ROBO2: variants seen among roughly 807,000 people sequenced by gnomAD.
ROBO2 encodes the protein roundabout homolog 2.
A neutral mutation model predicts 160.8 loss-of-function variants in ROBO2; 53 were observed. The observed-to-expected ratio is 0.33, with a 90% confidence interval of 0.26 to 0.41. The LOEUF (loss-of-function observed/expected upper bound fraction) is 0.41, where lower values mean the gene tolerates loss of function less well. ROBO2 is among the 10% of genes least tolerant of loss of function. The pLI, the probability that ROBO2 is intolerant of heterozygous loss-of-function variation, is 1.00. For missense variants in ROBO2, 1,577 were observed against 1,722.4 expected (o/e 0.92, Z 1.49); for synonymous variants, 664 against 611.7 (o/e 1.09, Z -1.26).
chr3:75,936,518 TATCA>T (rs1947787207), intron 1 of ROBO2, among the ~76,000 whole-genome samples: 1 of 152,182 alleles, frequency 6.6e-6, no homozygotes, highest in Non-Finnish European at 1.5e-5. Context: ...TGAAGGTGTT[TATCA>T]TTCTTATGCA....
chr3:75,978,489 A>C (rs1462169309), intron 2 of ROBO2, among the ~76,000 whole-genome samples: 3 of 151,734 alleles, frequency 2.0e-5, no homozygotes, highest in Admixed American at 6.6e-5. Flanking sequence ...ATGCTTCACA[A>C]TTTTAAAATA....
intron 5 of ROBO2, among the ~76,000 whole-genome samples, chr3:77,504,079 G>A (rs1460875770): frequency 6.6e-6 from 1 of 152,124 alleles, no homozygotes; most frequent in African/African-American, 2.4e-5. Flanking sequence ...TTTGGAGGTG[G>A]GAGGTTAGCC....
At chr3:77,445,794 GTTTTTTT>G (rs199914360) in intron 2 of ROBO2, among the ~76,000 whole-genome samples, 2 of 123,096 alleles carry the variant, frequency 1.6e-5, no homozygotes, top group East Asian at 2.5e-4. Context: ...GTTTTTTTTT[GTTTTTTT>G]TTTTTTTTTT....
At chr3:77,082,529 C>T (rs1384031134) in intron 1 of ROBO2, among the ~76,000 whole-genome samples, 2 of 151,968 alleles carry the variant, frequency 1.3e-5, no homozygotes, top group East Asian at 1.9e-4. Context: ...AGGGATACAA[C>T]CTCCCCATTT....
chr3:76,921,984 A>G (rs950244167), intron 2 of ROBO2, among the ~76,000 whole-genome samples: 1 of 152,088 alleles, frequency 6.6e-6, no homozygotes, highest in Non-Finnish European at 1.5e-5. Context: ...ATGCCTTTCT[A>G]TGAACAGATA....
At chr3:76,815,276 G>A (rs1374819569) in intron 2 of ROBO2, among the ~76,000 whole-genome samples, 3 of 151,992 alleles carry the variant, frequency 2.0e-5, no homozygotes, top group Non-Finnish European at 4.4e-5. Context: ...TGGTAGGAAA[G>A]TAGATAACTT....
chr3:77,062,688 G>T (rs2066442577), intron 1 of ROBO2, among the ~76,000 whole-genome samples: 1 of 152,128 alleles, frequency 6.6e-6, no homozygotes, highest in African/African-American at 2.4e-5. Context: ...ATAAATTGGA[G>T]TTCCACCACA....
intron 2 of ROBO2, among the ~76,000 whole-genome samples, chr3:76,688,023 AT>A (rs1181562819): frequency 6.6e-6 from 1 of 152,038 alleles, no homozygotes; most frequent in Non-Finnish European, 1.5e-5. Context: ...TTCAAATTAT[AT>A]TTTTTCTCCT....
intron 19 of ROBO2, among the ~76,000 whole-genome samples, chr3:77,598,468 ATATT>A (rs1335591594): frequency 3.1e-4 from 45 of 145,904 alleles, no homozygotes; most frequent in African/African-American, 1.1e-3. Context: ...TAGAATATAT[ATATT>A]TATTTATATA....
intron 2 of ROBO2, among the ~76,000 whole-genome samples, chr3:76,532,619 A>T (rs1484599269): frequency 2.0e-5 from 3 of 152,152 alleles, no homozygotes; most frequent in Non-Finnish European, 4.4e-5. Context: ...CCTCATCTCA[A>T]ATTAGGCAAC....
chr3:76,865,028 A>T (rs940323351), intron 2 of ROBO2, among the ~76,000 whole-genome samples: 2 of 152,106 alleles, frequency 1.3e-5, no homozygotes, highest in Admixed American at 1.3e-4. Context: ...AATTTAAATT[A>T]TTGAGTAATG....
chr3:76,126,498 C>A (rs1237404374), intron 2 of ROBO2, among the ~76,000 whole-genome samples: 1 of 151,818 alleles, frequency 6.6e-6, no homozygotes, highest in Non-Finnish European at 1.5e-5. Context: ...TTAAAAAAAC[C>A]ACCTGGATTA....
chr3:76,724,196 T>A (rs188169447), intron 2 of ROBO2, among the ~76,000 whole-genome samples: 2 of 152,276 alleles, frequency 1.3e-5, no homozygotes, highest in Admixed American at 6.5e-5. Flanking sequence ...TGCTTCTCCA[T>A]CCAGCCCAAA....
chr3:76,439,394 A>C (rs924968051), intron 2 of ROBO2, among the ~76,000 whole-genome samples: 36 of 148,520 alleles, frequency 2.4e-4, no homozygotes, highest in African/African-American at 8.6e-4. Context: ...ACAGAAACAA[A>C]TGTAAAATGG....
At chr3:76,698,154 T>C (rs1315466686) in intron 2 of ROBO2, among the ~76,000 whole-genome samples, 1 of 152,176 alleles carries the variant, frequency 6.6e-6, no homozygotes, top group Non-Finnish European at 1.5e-5. Flanking sequence ...TGTACTATGT[T>C]AGCTTGTTGT....
intron 2 of ROBO2, among the ~76,000 whole-genome samples, chr3:76,079,620 A>C (rs1485459445): frequency 6.6e-6 from 1 of 151,564 alleles, no homozygotes; most frequent in African/African-American, 2.4e-5. Context: ...AGTAGCTGGG[A>C]TTAGAGGCGC....
rs576635677 is a variant in ROBO2 at position 76,528,056 on chromosome 3, C to T, written c.110-569958C>T. Among the ~76,000 whole-genome samples the T allele has an allele frequency of 7.2e-5, 11 of 152,214 alleles. No homozygotes were observed. The East Asian group carries it at 1.7e-3, about 24-fold the overall frequency. ...TCATAGCTCACCATAAGGACCTTAG[C>T]TCTTACTTTGAATAATAATATGAAA... On this transcript the variant is annotated intron_variant, in intron 2 of 26. Transcript: ENST00000487694.
chr3:76,180,515 T>G (rs1701455219), intron 2 of ROBO2, among the ~76,000 whole-genome samples: 1 of 152,106 alleles, frequency 6.6e-6, no homozygotes, highest in African/African-American at 2.4e-5. Context: ...AGTAGAAACT[T>G]TGGTATCTTT....
At chr3:77,333,863 G>A (rs2066223305) in intron 2 of ROBO2, among the ~76,000 whole-genome samples, 1 of 152,068 alleles carries the variant, frequency 6.6e-6, no homozygotes, top group African/African-American at 2.4e-5. Flanking sequence ...TCTGAAATAG[G>A]GATGGAAAGG....
Sources: gnomAD v4.1 joint callset for allele counts (sites outside exome capture counted in the v4.1 genomes callset) on GRCh38, gnomAD v4.1.1 for gene constraint, MANE v1.5 for transcripts, NCBI Gene and HGNC (gene_info 2026-07-23, HGNC 2026-07-21) for gene names.